The following MALRD1 variants were observed in gnomAD, a reference collection of about 807,000 sequenced individuals.
The protein encoded by MALRD1 is MAM and LDL receptor class A domain containing 1, also known as MAM and LDL-receptor class A domain-containing protein 1.
In MALRD1, 247 loss-of-function variants were observed where a neutral mutation model predicts 242.1. The ratio of observed to expected loss-of-function variants is 1.02; its 90% CI spans 0.92 to 1.13. The LOEUF is 1.13. Ranked by LOEUF, MALRD1 falls within the 50% of genes most tolerant of loss-of-function variation. MALRD1 has a pLI of 0.00. For synonymous variants in MALRD1, 995 were observed against 866.6 expected (o/e 1.15, Z -2.60); for missense variants, 2,989 against 2,533.1 (o/e 1.18, Z -3.86).
At chr10:19,585,419 T>G (rs2131524839) in intron 33 of MALRD1, among the ~76,000 whole-genome samples, 1 of 152,288 alleles carries the variant, frequency 6.6e-6, no homozygotes, top group Non-Finnish European at 1.5e-5. Context: ...AGGGCAGGCC[T>G]GGTGGTGACA....
rs368988686 is a variant in MALRD1, at chr10:19,121,421, A to G, written c.695-2071A>G. ...GTTTATCTCAATTAAAAAAACTGTT[A>G]TTGACATAGGTTCAAGAGAGAATAG... is the stretch of plus-strand genomic sequence containing the variant. On this transcript the variant is annotated intron_variant, in intron 5 of 39. Transcript: ENST00000454679. 5.3e-5 allele frequency among the ~76,000 whole-genome samples: 8 copies of G among 152,316 alleles called. No homozygotes were observed. In the South Asian group the frequency reaches 1.4e-3, roughly 28 times the overall value.
Position 19,633,836 on chromosome 10 carries a change from C to CT in MALRD1, c.6137+17916dup, listed in dbSNP as rs199830595. On this transcript the variant is annotated intron_variant, in intron 36 of 39. Transcript: ENST00000454679. ...GCCACAGTTTCTTTCTTTTTCTTTTCTTTCTTTTTTTTTTTTTTTTTTGAC... is the reference window on the plus strand; with the variant it reads ...GCCACAGTTTCTTTCTTTTTCTTTTCTTTTCTTTTTTTTTTTTTTTTTTGAC... The CT allele has an allele frequency of 4.4e-3, 614 of 141,110 alleles. 12 individuals carry two copies. In the East Asian group the frequency reaches 0.049, roughly 11 times the overall value. The allele number at this position is 141,110 out of a possible 1,614,324, so 8.7% of individuals were successfully genotyped here.
chr10:19,585,634 C>T (rs527392040), intron 33 of MALRD1, among the ~76,000 whole-genome samples: 19 of 152,126 alleles, frequency 1.2e-4, no homozygotes, highest in African/African-American at 3.6e-4. Flanking sequence ...GGTAACCCGA[C>T]CTTTCTTTCT....
chr10:19,726,069 G>C (rs1452009263), intron 38 of MALRD1, among the ~76,000 whole-genome samples: 1 of 151,946 alleles, frequency 6.6e-6, no homozygotes, highest in Non-Finnish European at 1.5e-5. Context: ...GACACCAAAA[G>C]CACAAGCAAC....
chr10:19,530,388 ATT>A (rs1330714845), intron 31 of MALRD1, among the ~76,000 whole-genome samples: 1 of 78,100 alleles, frequency 1.3e-5, no homozygotes, highest in Admixed American at 1.9e-4. Context: ...AATATTATAT[ATT>A]TATATAAATA....
intron 36 of MALRD1, among the ~76,000 whole-genome samples, chr10:19,686,468 C>G (rs540680912): frequency 6.6e-6 from 1 of 152,154 alleles, no homozygotes; most frequent in Non-Finnish European, 1.5e-5. Flanking sequence ...TAAACTCTGC[C>G]GTTTTGCTTC....
chr10:19,161,982 C>G (rs1418916530), intron 12 of MALRD1, among the ~76,000 whole-genome samples: 1 of 152,124 alleles, frequency 6.6e-6, no homozygotes, highest in Non-Finnish European at 1.5e-5. Flanking sequence ...GAGCCGTGAT[C>G]ACGCCACTGC....
chr10:19,396,062 C>T (rs1054957942), intron 28 of MALRD1, among the ~76,000 whole-genome samples: 5 of 152,020 alleles, frequency 3.3e-5, no homozygotes, highest in Non-Finnish European at 7.4e-5. Context: ...GTTTCTACTC[C>T]CACTAGCACT....
At chr10:19,211,578 T>A (rs529419563) in intron 18 of MALRD1, among the ~76,000 whole-genome samples, 36 of 148,708 alleles carry the variant, frequency 2.4e-4, no homozygotes, top group Non-Finnish European at 5.3e-4. Flanking sequence ...TCCCAGCTAC[T>A]TGGGAGGGTG....
At chr10:19,083,751 T>G (rs1233698936) in intron 2 of MALRD1, among the ~76,000 whole-genome samples, 1 of 151,890 alleles carries the variant, frequency 6.6e-6, no homozygotes, top group Non-Finnish European at 1.5e-5. Flanking sequence ...CAAAGTTAAA[T>G]GTGAAACTGG....
At chr10:19,080,171 A>G (rs12242254) in intron 2 of MALRD1, among the ~76,000 whole-genome samples, 33,328 of 152,058 alleles carry the variant, frequency 0.22, 4,311 homozygotes, top group Non-Finnish European at 0.3. Flanking sequence ...AGGATGCAGT[A>G]TTGTAAAAAT....
rs1230561829 is a variant in MALRD1 at position 19,209,327 on chromosome 10, G to A, written c.2638G>A (p.Asp880Asn). The change falls in exon 18 of 40, where the codon GAT becomes AAT. Residue 880 changes from aspartate (D) to asparagine (N), a missense_variant. Asp to Asn is a conservative substitution (Grantham distance 23). Transcript: ENST00000454679. ...GICNWEQDAK[D>N]DFDWTRSQGP... The stretch of plus-strand genomic sequence containing the variant: ...CTGTAACTGGGAACAAGATGCAAAA[G>A]ATGACTTTGATTGGACCAGGAGCCA... 1 of 1,549,936 alleles carries A rather than the reference G, an allele frequency of 6.5e-7. No individual in the cohort carries two copies. Among genetic ancestry groups the A allele is most frequent in the Non-Finnish European group, 8.7e-7 (1 of 1,146,746 alleles).
chr10:19,366,167 A>C (rs372426019), intron 26 of MALRD1, among the ~76,000 whole-genome samples: 1 of 151,896 alleles, frequency 6.6e-6, no homozygotes, highest in Non-Finnish European at 1.5e-5. Context: ...TGAAATAAAC[A>C]TGCAACTTAC....
At chr10:19,130,792 C>T (rs1458288491) in intron 8 of MALRD1, among the ~76,000 whole-genome samples, 1 of 152,086 alleles carries the variant, frequency 6.6e-6, no homozygotes, top group African/African-American at 2.4e-5. Context: ...CCATGCCATT[C>T]TTCTGGTGGC....
intron 26 of MALRD1, among the ~76,000 whole-genome samples, chr10:19,361,678 G>T (rs1409238950): frequency 6.6e-6 from 1 of 152,060 alleles, no homozygotes; most frequent in African/African-American, 2.4e-5. Flanking sequence ...TGTATTGGTA[G>T]TCGGTTTCAT....
At chr10:19,514,528 T>C (rs535175043) in intron 31 of MALRD1, among the ~76,000 whole-genome samples, 36 of 152,240 alleles carry the variant, frequency 2.4e-4, no homozygotes, top group African/African-American at 8.4e-4. Flanking sequence ...TTGGGAAGTC[T>C]TGAAAAATAA....
At chr10:19,138,698 A>G (rs4477351) in intron 10 of MALRD1, among the ~76,000 whole-genome samples, 57,037 of 151,896 alleles carry the variant, frequency 0.38, 11,058 homozygotes, top group Admixed American at 0.43. Flanking sequence ...GGGATTACAG[A>G]CATGAGCCAC....
chr10:19,202,553 T>A (rs1482431859), intron 14 of MALRD1, among the ~76,000 whole-genome samples: 1 of 152,194 alleles, frequency 6.6e-6, no homozygotes, highest in Non-Finnish European at 1.5e-5. Flanking sequence ...TTAAATTTTG[T>A]AATCTCATTT....
At chr10:19,118,808 A>G (rs1225011722) in intron 5 of MALRD1, among the ~76,000 whole-genome samples, 3 of 152,116 alleles carry the variant, frequency 2.0e-5, no homozygotes, top group African/African-American at 4.8e-5. Context: ...TTTTTTATTT[A>G]TATATCCAGC....
Sources: gnomAD v4.1 joint callset for allele counts (sites outside exome capture counted in the v4.1 genomes callset) on GRCh38, gnomAD v4.1.1 for gene constraint, MANE v1.5 for transcripts, NCBI Gene and HGNC (gene_info 2026-07-23, HGNC 2026-07-21) for gene names.